The following TUSC3 variants were observed in gnomAD, a reference collection of about 807,000 sequenced individuals.
TUSC3 encodes dolichyl-diphosphooligosaccharide--protein glycosyltransferase subunit TUSC3.
A neutral mutation model predicts 44.8 loss-of-function variants in TUSC3; 45 were observed. The observed-to-expected ratio is 1.00, with a 90% CI of 0.79 to 1.29. The LOEUF is 1.29. TUSC3 is among the 50% of genes most tolerant of loss of function. The pLI is 0.00. For missense variants in TUSC3, 519 were observed against 437.9 expected (o/e 1.19, Z -1.65); for synonymous variants, 212 against 152.9 (o/e 1.39, Z -2.85).
At chr8:15,487,417 C>G (rs1253541969) in intron 2 of TUSC3, among the ~76,000 whole-genome samples, 1 of 152,178 alleles carries the variant, frequency 6.6e-6, no homozygotes, top group Admixed American at 6.5e-5. Context: ...TTTCTAGCAT[C>G]CAATTCCGTA....
At chr8:15,828,369 C>T in the TUSC3 span, among the ~76,000 whole-genome samples, 2 of 152,062 alleles carry the variant, frequency 1.3e-5, no homozygotes, top group African/African-American at 4.8e-5. Flanking sequence ...TGTAGGTGAC[C>T]ATAAACTCTT....
At chr8:15,478,413 C>G (rs1435968465) in intron 1 of TUSC3, among the ~76,000 whole-genome samples, 1 of 152,128 alleles carries the variant, frequency 6.6e-6, no homozygotes, top group African/African-American at 2.4e-5. Context: ...GCTATTTATC[C>G]TGGTGCTCTC....
the TUSC3 span, among the ~76,000 whole-genome samples, chr8:15,827,904 A>C: frequency 6.6e-6 from 1 of 152,256 alleles, no homozygotes; most frequent in South Asian, 2.1e-4. Context: ...TTGCGGGGCC[A>C]GAGGTGAACT....
intron 2 of TUSC3, among the ~76,000 whole-genome samples, chr8:15,527,445 G>T (rs1192920419): frequency 2.0e-5 from 3 of 152,168 alleles, no homozygotes; most frequent in Non-Finnish European, 4.4e-5. Flanking sequence ...TCAAACTCCT[G>T]ACCGTACGTG....
chr8:15,673,473 C>T (rs868336007), intron 5 of TUSC3, among the ~76,000 whole-genome samples: 3 of 152,132 alleles, frequency 2.0e-5, no homozygotes, highest in Middle Eastern at 6.8e-3. Context: ...TTGCCTGTCA[C>T]CAGGCCAGAT....
intron 1 of TUSC3, among the ~76,000 whole-genome samples, chr8:15,595,944 T>G (rs17121691): frequency 0.021 from 3,167 of 152,276 alleles, 95 homozygotes; most frequent in African/African-American, 0.07. Flanking sequence ...AATTGAATAG[T>G]AATGGTCCCA....
chr8:15,797,828 A>C, the TUSC3 span, among the ~76,000 whole-genome samples: 5 of 152,212 alleles, frequency 3.3e-5, no homozygotes, highest in African/African-American at 1.2e-4. Flanking sequence ...TCACCTTTGC[A>C]ACATCCGCAA....
chr8:15,774,935 C>T, the TUSC3 span, among the ~76,000 whole-genome samples: 7 of 151,988 alleles, frequency 4.6e-5, 1 homozygote, highest in Non-Finnish European at 8.8e-5. Context: ...ATGAATTAAA[C>T]GGACTTACCA....
intron 1 of TUSC3, among the ~76,000 whole-genome samples, chr8:15,540,847 C>T (rs1022403610): frequency 6.6e-6 from 1 of 152,164 alleles, no homozygotes; most frequent in African/African-American, 2.4e-5. Flanking sequence ...AGCTGGAAGC[C>T]CAGCTTAGAG....
chr8:15,472,433 A>G (rs1800507034), intron 1 of TUSC3, among the ~76,000 whole-genome samples: 2 of 152,328 alleles, frequency 1.3e-5, no homozygotes, highest in South Asian at 4.1e-4. Flanking sequence ...TAAGTAAATC[A>G]TTTTGCAGGT....
the TUSC3 span, among the ~76,000 whole-genome samples, chr8:15,814,661 T>C: frequency 1.3e-5 from 2 of 152,210 alleles, no homozygotes; most frequent in Non-Finnish European, 2.9e-5. Flanking sequence ...TATATTTGTT[T>C]CTATTATCTA....
At chr8:15,599,764 T>A (rs1804209113) in intron 1 of TUSC3, among the ~76,000 whole-genome samples, 1 of 151,078 alleles carries the variant, frequency 6.6e-6, no homozygotes, top group African/African-American at 2.4e-5. Flanking sequence ...CCCTCTATTC[T>A]GTACTATTGA....
the TUSC3 span, among the ~76,000 whole-genome samples, chr8:15,844,571 T>C: frequency 6.6e-6 from 1 of 152,198 alleles, no homozygotes; most frequent in African/African-American, 2.4e-5. Context: ...TGTTACTTTT[T>C]TCCTGCCATT....
chr8:15,588,338 G>T (rs1174905354), intron 1 of TUSC3, among the ~76,000 whole-genome samples: 1 of 151,948 alleles, frequency 6.6e-6, no homozygotes, highest in Non-Finnish European at 1.5e-5. Context: ...TCAGATACTT[G>T]TTGGCCATTT....
intron 1 of TUSC3, among the ~76,000 whole-genome samples, chr8:15,423,900 C>A (rs1799769172): frequency 6.8e-6 from 1 of 146,148 alleles, no homozygotes; most frequent in Admixed American, 7.1e-5. Flanking sequence ...TTGTGTGGGG[C>A]TTATTGACCA....
chr8:15,753,422 G>C (rs1811789693), intron 9 of TUSC3, among the ~76,000 whole-genome samples: 1 of 152,034 alleles, frequency 6.6e-6, no homozygotes, highest in East Asian at 1.9e-4. Context: ...GAATTATTTT[G>C]CTCTCTCAGG....
intron 1 of TUSC3, among the ~76,000 whole-genome samples, chr8:15,461,505 A>G (rs1323922734): frequency 6.6e-6 from 1 of 151,972 alleles, no homozygotes; most frequent in Non-Finnish European, 1.5e-5. Flanking sequence ...TTCCTCTTAA[A>G]CAATTTGGAT....
chr8:15,777,864 T>C, the TUSC3 span, among the ~76,000 whole-genome samples: 2 of 151,874 alleles, frequency 1.3e-5, no homozygotes, highest in Non-Finnish European at 2.9e-5. Flanking sequence ...AAAATTAAGG[T>C]TATCAATATG....
intron 3 of TUSC3, among the ~76,000 whole-genome samples, chr8:15,658,400 GTACTT>G (rs1342147200): frequency 6.6e-6 from 1 of 151,980 alleles, no homozygotes; most frequent in African/African-American, 2.4e-5. Flanking sequence ...GGTCTTGACT[GTACTT>G]GGTTATTAAA....
Sources: allele counts gnomAD v4.1 joint callset (sites outside exome capture counted in the v4.1 genomes callset), GRCh38; gene constraint gnomAD v4.1.1; transcripts MANE v1.5; gene names NCBI Gene and HGNC (gene_info 2026-07-23, HGNC 2026-07-21).